The following ANKRD30B variants were observed in gnomAD, a reference collection of about 807,000 sequenced individuals.
ANKRD30B encodes ankyrin repeat domain-containing protein 30B.
Under a neutral mutation model 202.2 loss-of-function variants are expected in ANKRD30B, and 144 were observed. The ratio of observed to expected loss-of-function variants is 0.71; its 90% CI spans 0.62 to 0.82. The LOEUF (loss-of-function observed/expected upper bound fraction) is 0.82, where lower values mean the gene tolerates loss of function less well. ANKRD30B is among the 40% of genes least tolerant of loss of function. The pLI is 0.00. For synonymous variants in ANKRD30B, 508 were observed against 561.3 expected, an observed-to-expected ratio of 0.91 and a Z score of 1.34; for missense variants, 1,487 against 1,669.1, an observed-to-expected ratio of 0.89 and a Z score of 1.90.
At chr18:14,750,104 AAAATT>A (rs1304316856) in intron 1 of ANKRD30B, among the ~76,000 whole-genome samples, 4 of 152,142 alleles carry the variant, frequency 2.6e-5, no homozygotes. Context: ...TAGTAAAACA[AAAATT>A]AAATCACCCT....
intron 26 of ANKRD30B, among the ~76,000 whole-genome samples, chr18:14,809,782 C>G (rs997475922): frequency 6.6e-6 from 1 of 151,066 alleles, no homozygotes; most frequent in Admixed American, 6.6e-5. Context: ...AGCATTGCAT[C>G]TTTCATTCCA....
At chr18:14,783,013 C>A (rs1444599185) in intron 12 of ANKRD30B, among the ~76,000 whole-genome samples, 1 of 152,154 alleles carries the variant, frequency 6.6e-6, no homozygotes, top group Non-Finnish European at 1.5e-5. Context: ...AGAAAGATGG[C>A]AAGAATATAA....
intron 36 of ANKRD30B, among the ~76,000 whole-genome samples, chr18:14,839,532 C>T (rs1341046579): frequency 6.6e-6 from 1 of 152,180 alleles, no homozygotes; most frequent in Non-Finnish European, 1.5e-5. Flanking sequence ...GAAAAGTCTG[C>T]AAATATGTGT....
At chr18:14,878,802 G>A in the ANKRD30B span, among the ~76,000 whole-genome samples, 3 of 152,162 alleles carry the variant, frequency 2.0e-5, no homozygotes, top group Non-Finnish European at 4.4e-5. Flanking sequence ...TGTTAGGCGT[G>A]GAGCTTTCTA....
At chr18:14,828,627 G>A (rs1364850399) in intron 33 of ANKRD30B, among the ~76,000 whole-genome samples, 1 of 152,146 alleles carries the variant, frequency 6.6e-6, no homozygotes, top group East Asian at 1.9e-4. Flanking sequence ...ATAGATTGAT[G>A]GAGACCTGTG....
intron 30 of ANKRD30B, among the ~76,000 whole-genome samples, chr18:14,820,449 A>G (rs1309508049): frequency 6.6e-6 from 1 of 152,144 alleles, no homozygotes; most frequent in Admixed American, 6.6e-5. Context: ...CCAGTTTTCA[A>G]AGGGAATGCT....
At chr18:14,878,922 C>T in the ANKRD30B span, among the ~76,000 whole-genome samples, 1 of 152,168 alleles carries the variant, frequency 6.6e-6, no homozygotes, top group African/African-American at 2.4e-5. Flanking sequence ...TACCCAGTCA[C>T]CCTCTTGCGA....
At chr18:14,890,153 T>G in the ANKRD30B span, 1 of 725,582 alleles carries the variant, frequency 1.4e-6, no homozygotes, top group Non-Finnish European at 2.4e-6. Context: ...GATCCATGAA[T>G]GGCCATTTGT....
the ANKRD30B span, among the ~76,000 whole-genome samples, chr18:14,932,023 C>A: frequency 2.2e-5 from 3 of 133,910 alleles, no homozygotes; most frequent in Non-Finnish European, 3.3e-5. Context: ...CTGCTCTGTC[C>A]CAGGCGCCCC....
At chr18:14,773,836 A>G (rs889712191) in intron 9 of ANKRD30B, among the ~76,000 whole-genome samples, 1 of 152,100 alleles carries the variant, frequency 6.6e-6, no homozygotes, top group African/African-American at 2.4e-5. Flanking sequence ...TTGTAATTTT[A>G]GTAGAGACAG....
intron 11 of ANKRD30B, among the ~76,000 whole-genome samples, chr18:14,781,288 C>CTTTTTTTTTTTTTTT (rs892666549): frequency 2.3e-5 from 2 of 85,672 alleles, no homozygotes; most frequent in Non-Finnish European, 4.2e-5. Flanking sequence ...TCTGAGTATT[C>CTTTTTTTTTTTTTTT]TTTTTTTTTT....
chr18:14,904,152 C>T, the ANKRD30B span, among the ~76,000 whole-genome samples: 190 of 152,310 alleles, frequency 1.2e-3, no homozygotes, highest in African/African-American at 4.2e-3. Context: ...CTGTGTTTAT[C>T]GGTGATCAGT....
intron 32 of ANKRD30B, 33 bp from the exon 33 acceptor site, chr18:14,828,245 T>A (rs544846070): frequency 1.4e-6 from 2 of 1,455,244 alleles, no homozygotes; most frequent in South Asian, 2.6e-5. Context: ...TTATATTTGT[T>A]GATTTAATGT....
chr18:14,836,801 T>A (rs1444736209), intron 34 of ANKRD30B, among the ~76,000 whole-genome samples: 1 of 151,944 alleles, frequency 6.6e-6, no homozygotes, highest in Admixed American at 6.6e-5. Flanking sequence ...ATTTTGCACA[T>A]GCTATTGCAC....
the ANKRD30B span, chr18:14,905,689 A>G: frequency 1.3e-5 from 2 of 152,202 alleles, no homozygotes; most frequent in African/African-American, 2.4e-5. Context: ...AAGATGCAAA[A>G]TTTTACCCCA....
At chr18:14,937,464 C>G in the ANKRD30B span, among the ~76,000 whole-genome samples, 1 of 41,078 alleles carries the variant, frequency 2.4e-5, no homozygotes, top group African/African-American at 8.6e-5. Flanking sequence ...TGCATACAGG[C>G]CACGTCCTCC....
chr18:14,807,805 T>C (rs1464710315), intron 24 of ANKRD30B, among the ~76,000 whole-genome samples: 1 of 151,052 alleles, frequency 6.6e-6, no homozygotes, highest in African/African-American at 2.4e-5. Context: ...GTTCTGGAGA[T>C]ACAGGCATGA....
intron 18 of ANKRD30B, 145 bp from the exon 19 acceptor site, chr18:14,797,516 C>A: frequency 2.2e-6 from 2 of 911,926 alleles, no homozygotes; most frequent in Non-Finnish European, 3.5e-6. Flanking sequence ...TTAACAAATA[C>A]AATAACCCAA....
At chr18:14,837,725 A>G (rs1240221372) in intron 36 of ANKRD30B, 49 bp downstream of exon 36, 12 of 1,428,818 alleles carry the variant, frequency 8.4e-6, no homozygotes, top group Non-Finnish European at 1.1e-5. Flanking sequence ...GTACTCAGTA[A>G]TCTTAAAACA....
Sources: gnomAD v4.1 joint callset for allele counts (sites outside exome capture counted in the v4.1 genomes callset) on GRCh38, gnomAD v4.1.1 for gene constraint, MANE v1.5 for transcripts, NCBI Gene and HGNC (gene_info 2026-07-23, HGNC 2026-07-21) for gene names.